Variants in CSMD1 observed in about 807,000 individuals in gnomAD.
The protein encoded by CSMD1 is CUB and sushi domain-containing protein 1.
A neutral mutation model predicts 417.5 loss-of-function variants in CSMD1; 213 were observed. The ratio of observed to expected loss-of-function variants is 0.51; its 90% CI spans 0.46 to 0.57. The LOEUF (loss-of-function observed/expected upper bound fraction) is 0.57, where lower values mean the gene tolerates loss of function less well. CSMD1 is among the 20% of genes least tolerant of loss of function. The pLI is 0.00. For synonymous variants in CSMD1, 2,862 were observed against 1,736.8 expected, an observed-to-expected ratio of 1.65 and a Z score of -16.11; for missense variants, 6,923 against 4,529.7, an observed-to-expected ratio of 1.53 and a Z score of -15.17.
chr8:4,583,679 G>A (rs983393852), intron 2 of CSMD1, among the ~76,000 whole-genome samples: 3 of 152,044 alleles, frequency 2.0e-5, no homozygotes, highest in Middle Eastern at 3.2e-3. Flanking sequence ...TGATGGGGTC[G>A]TGGAGAACCT....
intron 29 of CSMD1, among the ~76,000 whole-genome samples, chr8:3,218,619 C>T (rs1798021732): frequency 1.3e-5 from 2 of 150,948 alleles, no homozygotes; most frequent in South Asian, 4.2e-4. Context: ...CGTCTATAAT[C>T]ACAGCACTTT....
intron 1 of CSMD1, among the ~76,000 whole-genome samples, chr8:4,727,095 G>T (rs908215983): frequency 2.6e-5 from 4 of 152,116 alleles, no homozygotes; most frequent in African/African-American, 9.7e-5. Flanking sequence ...GCTGAGTAGG[G>T]TGAGGAAGCT....
chr8:3,164,952 T>A (rs943375152), intron 37 of CSMD1, among the ~76,000 whole-genome samples: 13 of 151,916 alleles, frequency 8.6e-5, no homozygotes, highest in African/African-American at 3.1e-4. Context: ...ATTCAATTGA[T>A]CCTCTGGGGA....
intron 2 of CSMD1, among the ~76,000 whole-genome samples, chr8:4,503,969 CAA>C (rs200846437): frequency 3.6e-4 from 31 of 85,690 alleles, no homozygotes; most frequent in Admixed American, 6.4e-4. Flanking sequence ...CTTGCATATT[CAA>C]AAAAAAAAAA....
At chr8:4,079,140 C>T (rs550422092) in intron 3 of CSMD1, among the ~76,000 whole-genome samples, 1 of 151,684 alleles carries the variant, frequency 6.6e-6, no homozygotes, top group Admixed American at 6.6e-5. Context: ...ACTACTGGAT[C>T]ATATAAAAGA....
intron 3 of CSMD1, among the ~76,000 whole-genome samples, chr8:4,063,023 T>C (rs888153451): frequency 2.0e-5 from 3 of 152,132 alleles, no homozygotes; most frequent in African/African-American, 7.2e-5. Flanking sequence ...GTTAGTTACA[T>C]AATTTAGGAA....
intron 3 of CSMD1, among the ~76,000 whole-genome samples, chr8:4,308,749 C>A (rs545124186): frequency 2.0e-5 from 3 of 152,248 alleles, no homozygotes; most frequent in African/African-American, 7.2e-5. Flanking sequence ...GTAAGACTGG[C>A]TGTTTGAGCG....
intron 1 of CSMD1, among the ~76,000 whole-genome samples, chr8:4,679,035 G>T (rs913750899): frequency 1.1e-4 from 17 of 152,170 alleles, no homozygotes; most frequent in Non-Finnish European, 2.1e-4. Context: ...ATGGTTCATT[G>T]TTTGCCCAGA....
At chr8:3,889,790 A>G (rs1354231298) in intron 5 of CSMD1, among the ~76,000 whole-genome samples, 1 of 152,008 alleles carries the variant, frequency 6.6e-6, no homozygotes, top group African/African-American at 2.4e-5. Flanking sequence ...TTATATAGGT[A>G]TCCCATACTC....
intron 5 of CSMD1, among the ~76,000 whole-genome samples, chr8:3,890,466 G>C (rs889486043): frequency 2.6e-5 from 4 of 151,902 alleles, no homozygotes; most frequent in South Asian, 2.1e-4. Flanking sequence ...TTCCAGCTGA[G>C]TGAGGGAAGT....
At chr8:4,110,862 T>A (rs1801814894) in intron 3 of CSMD1, among the ~76,000 whole-genome samples, 1 of 152,094 alleles carries the variant, frequency 6.6e-6, no homozygotes, top group Non-Finnish European at 1.5e-5. Flanking sequence ...CTTTTTTCCT[T>A]GAAGAGTACT....
chr8:4,333,305 G>A (rs556137713), intron 3 of CSMD1, among the ~76,000 whole-genome samples: 29 of 152,236 alleles, frequency 1.9e-4, no homozygotes, highest in Admixed American at 5.2e-4. Context: ...CGTCTCAGAT[G>A]CTGTTGAACA....
chr8:4,508,681 G>T (rs1416642581), intron 2 of CSMD1, among the ~76,000 whole-genome samples: 1 of 152,126 alleles, frequency 6.6e-6, no homozygotes, highest in African/African-American at 2.4e-5. Flanking sequence ...TAACAAGGCA[G>T]CTGGTAGTGG....
rs947912260 is a variant in CSMD1, at chr8:4,384,440, C to G, written c.415+35513G>C. On this transcript the variant is annotated intron_variant, in intron 3 of 69. Coordinates refer to ENST00000635120, the MANE Select transcript of CSMD1 (RefSeq NM_033225.6). The stretch of plus-strand genomic sequence containing the variant: ...AAGGAAAACTAATACATTCTAAACA[C>G]TTGCTGGTTTTTTCAAATAAAGCTT... Among the ~76,000 whole-genome samples, 7 of 152,228 alleles carry G rather than the reference C, an allele frequency of 4.6e-5. No homozygotes were observed. In the South Asian group the frequency reaches 8.3e-4, roughly 18 times the overall value.
chr8:3,585,081 C>A (rs962725955), intron 9 of CSMD1, among the ~76,000 whole-genome samples: 1 of 152,060 alleles, frequency 6.6e-6, no homozygotes, highest in African/African-American at 2.4e-5. Context: ...CCTCCCCTTC[C>A]GGTGGGGCGG....
chr8:3,277,446 A>C (rs1394566885), intron 26 of CSMD1, among the ~76,000 whole-genome samples: 1 of 152,162 alleles, frequency 6.6e-6, no homozygotes, highest in Non-Finnish European at 1.5e-5. Context: ...GCGGCAGGGC[A>C]CAGGTTGGGA....
intron 1 of CSMD1, among the ~76,000 whole-genome samples, chr8:4,800,438 CAAA>C (rs11463488): frequency 4.3e-5 from 5 of 115,032 alleles, no homozygotes; most frequent in African/African-American, 6.8e-5. Context: ...GACTTCATCT[CAAA>C]AAAAAAAAAA....
chr8:3,929,267 C>T (rs1256249494), intron 5 of CSMD1, among the ~76,000 whole-genome samples: 1 of 150,384 alleles, frequency 6.6e-6, no homozygotes, highest in African/African-American at 2.5e-5. Context: ...GGATGATTTT[C>T]CCCCTACATT....
At chr8:4,072,602 G>C (rs765215924) in intron 3 of CSMD1, among the ~76,000 whole-genome samples, 28 of 152,264 alleles carry the variant, frequency 1.8e-4, no homozygotes, top group Non-Finnish European at 2.9e-5. Context: ...GTATGTGTTT[G>C]TGTTTTCTGT....
Sources: allele counts gnomAD v4.1 joint callset (sites outside exome capture counted in the v4.1 genomes callset), GRCh38; gene constraint gnomAD v4.1.1; transcripts MANE v1.5; gene names NCBI Gene and HGNC (gene_info 2026-07-23, HGNC 2026-07-21).